The following PRR16 variants were observed in gnomAD, a reference collection of about 807,000 sequenced individuals.
PRR16 encodes the protein protein Largen.
A neutral mutation model predicts 18.2 loss-of-function variants in PRR16; 6 were observed. That is an observed-to-expected ratio of 0.33 (90% confidence interval 0.18 to 0.65). The LOEUF (loss-of-function observed/expected upper bound fraction) is 0.65, where lower values mean the gene tolerates loss of function less well. PRR16 is among the 30% of genes least tolerant of loss of function. PRR16 has a pLI of 0.74. For synonymous variants in PRR16, 151 were observed against 147.8 expected (o/e 1.02, Z -0.16); for missense variants, 412 against 376.6 (o/e 1.09, Z -0.78).
At chr5:120,649,402 C>T (rs1035861673) in intron 1 of PRR16, among the ~76,000 whole-genome samples, 1 of 152,088 alleles carries the variant, frequency 6.6e-6, no homozygotes, top group Non-Finnish European at 1.5e-5. Context: ...AGTAATTTTA[C>T]CCCAGAGATG....
At chr5:120,595,588 T>C (rs1246686939) in intron 1 of PRR16, among the ~76,000 whole-genome samples, 1 of 151,914 alleles carries the variant, frequency 6.6e-6, no homozygotes, top group Admixed American at 6.6e-5. Context: ...GGTTATATGC[T>C]TAGTACCTGA....
At chr5:120,708,197 T>G in the PRR16 span, among the ~76,000 whole-genome samples, 1 of 152,222 alleles carries the variant, frequency 6.6e-6, no homozygotes, top group Admixed American at 6.5e-5. Context: ...GTTGTACATT[T>G]GCCTTGGGAA....
chr5:120,571,412 A>G (rs974188919), intron 1 of PRR16, among the ~76,000 whole-genome samples: 18 of 152,064 alleles, frequency 1.2e-4, no homozygotes, highest in Non-Finnish European at 2.1e-4. Flanking sequence ...AAGTGGAGTG[A>G]GTACAATAAA....
At chr5:120,650,323 C>G (rs1234987237) in intron 1 of PRR16, among the ~76,000 whole-genome samples, 4 of 149,910 alleles carry the variant, frequency 2.7e-5, no homozygotes, top group African/African-American at 9.8e-5. Context: ...GATTTTTTTT[C>G]TTTTTTCTTT....
chr5:120,621,427 G>C (rs1200365563), intron 1 of PRR16, among the ~76,000 whole-genome samples: 2 of 151,988 alleles, frequency 1.3e-5, no homozygotes, highest in Admixed American at 6.6e-5. Context: ...TTCTCAGCCA[G>C]AGCTAATCTC....
At chr5:120,505,023 C>T (rs904828760) in intron 1 of PRR16, among the ~76,000 whole-genome samples, 1 of 152,104 alleles carries the variant, frequency 6.6e-6, no homozygotes, top group Admixed American at 6.6e-5. Context: ...TGTTCCTGGA[C>T]ATTTGGAATA....
the PRR16 span, among the ~76,000 whole-genome samples, chr5:120,704,096 C>A: frequency 6.6e-6 from 1 of 152,140 alleles, no homozygotes; most frequent in Non-Finnish European, 1.5e-5. Flanking sequence ...AAGAAAGAAG[C>A]TTTCTCTTAA....
intron 1 of PRR16, among the ~76,000 whole-genome samples, chr5:120,493,787 T>C (rs1303166325): frequency 6.6e-6 from 1 of 152,218 alleles, no homozygotes; most frequent in Non-Finnish European, 1.5e-5. Flanking sequence ...TAAAATTATA[T>C]GTAATCTTTT....
At chr5:120,601,264 C>A (rs1580773645) in intron 1 of PRR16, among the ~76,000 whole-genome samples, 1 of 151,734 alleles carries the variant, frequency 6.6e-6, no homozygotes, top group Non-Finnish European at 1.5e-5. Flanking sequence ...AATAACAGCC[C>A]TTCTGAGTGG....
At chr5:120,501,422 T>TAC (rs112671641) in intron 1 of PRR16, among the ~76,000 whole-genome samples, 41,490 of 151,812 alleles carry the variant, frequency 0.27, 6,988 homozygotes, top group African/African-American at 0.48. Flanking sequence ...CACACACACA[T>TAC]ACACACACAC....
At chr5:120,662,975 T>C (rs1386742303) in intron 1 of PRR16, among the ~76,000 whole-genome samples, 1 of 152,172 alleles carries the variant, frequency 6.6e-6, no homozygotes, top group East Asian at 1.9e-4. Context: ...GGGAAATGTC[T>C]TTCTGTGTTG....
chr5:120,745,834 G>GATTACAGGCACCCGCC, the PRR16 span, among the ~76,000 whole-genome samples: 5 of 149,758 alleles, frequency 3.3e-5, no homozygotes, highest in Non-Finnish European at 4.4e-5. Context: ...GAGTAGCTGG[G>GATTACAGGCACCCGCC]ATTACAGGCA....
At chr5:120,714,067 TGTC>T in the PRR16 span, among the ~76,000 whole-genome samples, 3 of 152,110 alleles carry the variant, frequency 2.0e-5, no homozygotes, top group African/African-American at 7.2e-5. Flanking sequence ...TGTAATGTAA[TGTC>T]TTTTTTTTTA....
At chr5:120,597,042 T>C (rs902579612) in intron 1 of PRR16, among the ~76,000 whole-genome samples, 1 of 148,166 alleles carries the variant, frequency 6.7e-6, no homozygotes, top group Non-Finnish European at 1.5e-5. Flanking sequence ...TTATTAAGGA[T>C]TTTATATTTT....
chr5:120,657,250 C>T (rs1008743744), intron 1 of PRR16, among the ~76,000 whole-genome samples: 6 of 151,834 alleles, frequency 4.0e-5, no homozygotes, highest in African/African-American at 1.2e-4. Context: ...AGGTTTTAAA[C>T]CAATTGAGGA....
At chr5:120,663,056 T>C (rs1756230263) in intron 1 of PRR16, among the ~76,000 whole-genome samples, 1 of 152,160 alleles carries the variant, frequency 6.6e-6, no homozygotes, top group Non-Finnish European at 1.5e-5. Flanking sequence ...ACCGTTCTTC[T>C]TTCACCATTG....
At chr5:120,759,675 AAATTAAAAAATCAGTT>A in the PRR16 span, among the ~76,000 whole-genome samples, 1 of 152,182 alleles carries the variant, frequency 6.6e-6, no homozygotes, top group Non-Finnish European at 1.5e-5. Context: ...TAGTGTATAC[AAATTAAAAAATCAGTT>A]AAAAGTTTTG....
intron 1 of PRR16, among the ~76,000 whole-genome samples, chr5:120,495,326 A>C (rs1424354284): frequency 6.6e-6 from 1 of 152,086 alleles, no homozygotes; most frequent in Non-Finnish European, 1.5e-5. Context: ...TTGTAAATAC[A>C]TTAGTCTCTT....
At chr5:120,761,848 C>T in the PRR16 span, among the ~76,000 whole-genome samples, 1 of 151,966 alleles carries the variant, frequency 6.6e-6, no homozygotes, top group Admixed American at 6.6e-5. Context: ...ACCCATTTAC[C>T]AACCTCTCTT....
Sources: allele counts gnomAD v4.1 joint callset (sites outside exome capture counted in the v4.1 genomes callset), GRCh38; gene constraint gnomAD v4.1.1; transcripts MANE v1.5; gene names NCBI Gene and HGNC (gene_info 2026-07-23, HGNC 2026-07-21).